Variants in CREBBP observed in about 807,000 individuals in gnomAD.
CREBBP encodes the protein CREB-binding protein.
Under a neutral mutation model 265.0 loss-of-function variants are expected in CREBBP, and 19 were observed. The ratio of observed to expected loss-of-function variants is 0.07; its 90% CI spans 0.05 to 0.11. The LOEUF is 0.11. Among genes scored for constraint, CREBBP ranks in the 10% least tolerant of loss-of-function variants. The pLI is 1.00. For missense variants in CREBBP, 2,525 were observed against 3,219.0 expected, an observed-to-expected ratio of 0.78 and a Z score of 5.22; for synonymous variants, 1,457 against 1,223.7, an observed-to-expected ratio of 1.19 and a Z score of -3.98.
intron 27 of CREBBP, 138 bp from the exon 28 acceptor site, chr16:3,736,341 G>A: frequency 1.1e-6 from 1 of 927,384 alleles, no homozygotes; most frequent in Non-Finnish European, 1.7e-6. Flanking sequence ...CCACCACAGT[G>A]CAGCAGACCC....
At chr16:3,736,247 G>A (rs367859409) in intron 27 of CREBBP, 44 bp from the exon 28 acceptor site, 183 of 1,588,660 alleles carry the variant, frequency 1.2e-4, no homozygotes, top group Non-Finnish European at 1.3e-4. Flanking sequence ...CCATGCACGC[G>A]TGCCCCCCAC....
Position 3,793,558 on chromosome 16 carries a change from A to C in CREBBP, c.1044T>G (p.Pro348=). The change falls in exon 4 of 31, where the codon CCT becomes CCG. Residue 348 remains proline (P), a synonymous_variant. Transcript: ENST00000262367. ...GCTGCTGTATCAGTTTGCGTTTTTCAGGATCTGCAGTGGGGCCTGTTGCAA... is the reference window on the plus strand; with the variant it reads ...GCTGCTGTATCAGTTTGCGTTTTTCCGGATCTGCAGTGGGGCCTGTTGCAA... ...QAIATGPTAD[P]EKRKLIQQQL... 1 of 1,614,172 alleles carries C rather than the reference A, an allele frequency of 6.2e-7. No individual in the cohort carries two copies. The highest frequency in any genetic ancestry group is 8.5e-7 in the Non-Finnish European group (1 of 1,180,038).
At chr16:3,799,900 T>C (rs1445494283) in intron 3 of CREBBP, among the ~76,000 whole-genome samples, 3 of 152,202 alleles carry the variant, frequency 2.0e-5, no homozygotes, top group Non-Finnish European at 4.4e-5. Flanking sequence ...AAAAGCTGTT[T>C]AAGTGACTAC....
At chr16:3,822,825 G>A (rs185670023) in intron 2 of CREBBP, among the ~76,000 whole-genome samples, 194 of 152,318 alleles carry the variant, frequency 1.3e-3, no homozygotes, top group Admixed American at 3.1e-3. Context: ...CCTCCTGACT[G>A]GTGATGTCAG....
At position 3,729,257 on chromosome 16, in the gene CREBBP, G is replaced by A. The variant is rs770780203; in HGVS notation, c.5790C>T (p.Pro1930=). 1.3e-6 allele frequency: 2 copies of A among 1,528,788 alleles called. No individual in the cohort carries two copies. Among genetic ancestry groups the A allele is most frequent in the East Asian group, 2.5e-5 (1 of 40,800 alleles). The allele number at this position is 1,528,788 out of a possible 1,614,324, so 94.7% of individuals were successfully genotyped here. A position where few individuals can be genotyped will look rare whatever the true frequency, so the allele number is the denominator to read the frequency against. The change falls in exon 31 of 31, where the codon CCC becomes CCT. Residue 1930 remains proline, a synonymous_variant. Coordinates refer to ENST00000262367, the MANE Select transcript of CREBBP (RefSeq NM_004380.3). The part of the protein sequence containing the change: ...GFPSVARTQP[P]TTVSTGKPTS... ...TAGGCTTCCCTGTGGACACCGTGGTGGGGGGCTGAGTCCGGGCCACGCTGG... is the reference window on the plus strand; with the variant it reads ...TAGGCTTCCCTGTGGACACCGTGGTAGGGGGCTGAGTCCGGGCCACGCTGG...
chr16:3,801,219 A>C (rs1322602779), intron 3 of CREBBP, among the ~76,000 whole-genome samples: 2 of 152,210 alleles, frequency 1.3e-5, no homozygotes, highest in African/African-American at 4.8e-5. Flanking sequence ...ACCACCTTGC[A>C]TTATAAAGTG....
chr16:3,854,400 C>T (rs535184992), intron 1 of CREBBP, among the ~76,000 whole-genome samples: 2 of 152,344 alleles, frequency 1.3e-5, no homozygotes, highest in East Asian at 1.9e-4. Flanking sequence ...AAAACATAAA[C>T]ACCTGGGGTG....
chr16:3,768,073 C>T (rs919104730), intron 15 of CREBBP, among the ~76,000 whole-genome samples, 164 bp from the exon 16 acceptor site: 1 of 139,828 alleles, frequency 7.2e-6, no homozygotes, highest in African/African-American at 2.7e-5. Context: ...AAATAAAGTA[C>T]TTGGTGTTCA....
chr16:3,777,789 G>A (rs1181489093), intron 10 of CREBBP, 132 bp from the exon 11 acceptor site: 12 of 1,165,454 alleles, frequency 1.0e-5, no homozygotes, highest in African/African-American at 1.5e-5. Flanking sequence ...CCAAAAGCAC[G>A]TGTGTTCCAA....
rs2055484161 is a variant in CREBBP at position 3,879,715 on chromosome 16, G to A, written c.85+117C>T. 9.1e-6 allele frequency: 10 copies of A among 1,097,954 alleles called. No homozygotes were observed. In the South Asian group the frequency reaches 9.3e-5, roughly 10 times the overall value. 68.0% of individuals were successfully genotyped at this position (1,097,954 alleles called of 1,614,324 possible). A position where few individuals can be genotyped will look rare whatever the true frequency, so the allele number is the denominator to read the frequency against. On this transcript the variant is annotated intron_variant, in intron 1 of 30. Transcript: ENST00000262367. ...GCGGGGCGAGGGGAACGGGCTGCGGGGCCTGCTCCGAGCTCCCGGCTCGAT... is the reference window on the plus strand; with the variant it reads ...GCGGGGCGAGGGGAACGGGCTGCGGAGCCTGCTCCGAGCTCCCGGCTCGAT...
In CREBBP at chr16:3,777,993, A is replaced by T. The variant is rs2141232334; in HGVS notation, c.2113+18T>A. On this transcript the variant is annotated intron_variant, in intron 10 of 30. Transcript: ENST00000262367. ...AGGAAACAGGCTAAGGGATGGCAGT[A>T]GGAAATAAAATCCTTACTTGGAGGT... The T allele has an allele frequency of 6.2e-7, 1 of 1,613,728 alleles. No individual in the cohort carries two copies. Among genetic ancestry groups the T allele is most frequent in the Non-Finnish European group, 8.5e-7 (1 of 1,179,574 alleles).
intron 2 of CREBBP, among the ~76,000 whole-genome samples, chr16:3,846,260 CAAAG>C (rs1477579351): frequency 6.6e-6 from 1 of 152,116 alleles, no homozygotes. Context: ...ACACACTTAA[CAAAG>C]AAGACAACTT....
intron 2 of CREBBP, among the ~76,000 whole-genome samples, chr16:3,834,062 T>C (rs762029678): frequency 3.3e-5 from 5 of 152,112 alleles, no homozygotes; most frequent in Middle Eastern, 3.2e-3. Context: ...ATGACAACAA[T>C]GGGATACCAC....
Position 3,731,434 on chromosome 16 carries a change from T to C in CREBBP, c.4930A>G (p.Asn1644Asp), listed in dbSNP as rs2151317413. The change falls in exon 30 of 31, where the codon AAC (asparagine) becomes GAC (aspartate). Residue 1644 changes from asparagine (N) to aspartate (D), a missense_variant. Asn to Asp is a conservative substitution (Grantham distance 23). This residue lies in a region of CREBBP where 37 missense variants were observed against 34.1 expected (regional missense o/e 1.09). Coordinates refer to ENST00000262367, the MANE Select transcript of CREBBP (RefSeq NM_004380.3). This position sits in a 1 kb window ranked among gnomAD's most constrained non-coding sequence, Gnocchi z 7.7. ...VIHLHAGPVI[N>D]TLPPIVDPDP... ...GGGTCGACGATGGGGGGCAGGGTGT[T>C]GATGACAGGCCCAGCGTGCAGGTGG... The C allele has an allele frequency of 6.2e-7, 1 of 1,601,102 alleles. No homozygotes were observed. Among genetic ancestry groups the C allele is most frequent in the Non-Finnish European group, 8.5e-7 (1 of 1,174,732 alleles).
chr16:3,737,755 A>ATT (rs140142735), intron 26 of CREBBP, among the ~76,000 whole-genome samples: 4 of 148,188 alleles, frequency 2.7e-5, no homozygotes, highest in African/African-American at 1.0e-4. Flanking sequence ...AGGTGAGCCA[A>ATT]TTTTTTTTTG....
intron 2 of CREBBP, among the ~76,000 whole-genome samples, chr16:3,830,744 A>C (rs1166676332): frequency 1.3e-5 from 2 of 152,170 alleles, no homozygotes; most frequent in Non-Finnish European, 2.9e-5. Context: ...ACTTATTCTA[A>C]TAGACAATTA....
At chr16:3,855,920 A>G (rs2054952536) in intron 1 of CREBBP, among the ~76,000 whole-genome samples, 1 of 152,256 alleles carries the variant, frequency 6.6e-6, no homozygotes, top group Admixed American at 6.5e-5. Flanking sequence ...CTGCACACAC[A>G]AATTTACTCG....
At chr16:3,878,251 A>G (rs2055444021) in intron 1 of CREBBP, among the ~76,000 whole-genome samples, 1 of 152,260 alleles carries the variant, frequency 6.6e-6, no homozygotes, top group South Asian at 2.1e-4. Context: ...ACACAGCAAG[A>G]TTAATGAAGC....
At chr16:3,791,770 G>A (rs1011559094) in intron 5 of CREBBP, among the ~76,000 whole-genome samples, 1 of 152,174 alleles carries the variant, frequency 6.6e-6, no homozygotes, top group African/African-American at 2.4e-5. Context: ...GGCAGTGAGT[G>A]AGTCAGGGTC....
Sources: allele counts gnomAD v4.1 joint callset (sites outside exome capture counted in the v4.1 genomes callset), GRCh38; gene constraint gnomAD v4.1.1; regional missense constraint gnomAD v4.1.1; non-coding constraint Gnocchi (gnomAD v3.1); transcripts MANE v1.5; gene names NCBI Gene and HGNC (gene_info 2026-07-23, HGNC 2026-07-21).